The following OR1J2 variants were observed in gnomAD, a reference collection of about 807,000 sequenced individuals.
OR1J2 encodes olfactory receptor family 1 subfamily J member 2.
For missense variants in OR1J2, 304 were observed against 246.1 expected (o/e 1.24, Z -1.57); for synonymous variants, 142 against 99.7 (o/e 1.42, Z -2.52).
the OR1J2 span, chr9:122,477,399 G>T: frequency 6.2e-7 from 1 of 1,613,988 alleles, no homozygotes; most frequent in Non-Finnish European, 8.5e-7. Context: ...CACAGAAGTA[G>T]TGAGGGATGA....
upstream of OR1J2, among the ~76,000 whole-genome samples, chr9:122,507,074 C>T (rs926542963): frequency 6.6e-6 from 1 of 152,156 alleles, no homozygotes; most frequent in Non-Finnish European, 1.5e-5. Flanking sequence ...TCTGTTTACT[C>T]AGGACAACAC....
At chr9:122,483,578 A>C in the OR1J2 span, among the ~76,000 whole-genome samples, 1 of 152,354 alleles carries the variant, frequency 6.6e-6, no homozygotes, top group East Asian at 1.9e-4. Context: ...CACAAAAACA[A>C]GTATAAAAAG....
the OR1J2 span, among the ~76,000 whole-genome samples, chr9:122,470,411 C>G: frequency 6.6e-6 from 1 of 152,234 alleles, no homozygotes; most frequent in Admixed American, 6.5e-5. Flanking sequence ...TTGGGAACCT[C>G]TGCCTAGATT....
the OR1J2 span, among the ~76,000 whole-genome samples, chr9:122,468,511 A>G: frequency 3.3e-5 from 5 of 152,200 alleles, no homozygotes; most frequent in Non-Finnish European, 5.9e-5. Context: ...CTCCAGTTCT[A>G]GGTAATTCTA....
the OR1J2 span, among the ~76,000 whole-genome samples, chr9:122,564,392 G>A: frequency 1.3e-5 from 2 of 152,180 alleles, no homozygotes; most frequent in African/African-American, 4.8e-5. Context: ...TTTGTTTCCT[G>A]ACTTGTGGAG....
chr9:122,532,362 G>A, the OR1J2 span, among the ~76,000 whole-genome samples: 1 of 152,128 alleles, frequency 6.6e-6, no homozygotes. Flanking sequence ...CTGGTGTGTG[G>A]CGATTAGGCC....
the OR1J2 span, chr9:122,519,115 T>A: frequency 6.6e-7 from 1 of 1,505,192 alleles, no homozygotes; most frequent in Non-Finnish European, 9.1e-7. Context: ...TGTCCCTCTA[T>A]TTCCAGCAGA....
At chr9:122,556,244 C>A in the OR1J2 span, among the ~76,000 whole-genome samples, 1 of 149,694 alleles carries the variant, frequency 6.7e-6, no homozygotes, top group East Asian at 1.9e-4. Flanking sequence ...TCATTGTATG[C>A]AATATTCAGG....
chr9:122,475,238 G>C, the OR1J2 span: 27,284 of 152,062 alleles, frequency 0.18, 2,872 homozygotes, highest in African/African-American at 0.28. Context: ...ACCACGGTGG[G>C]GTCTTCCTGG....
At chr9:122,530,362 AGCT>A in the OR1J2 span, among the ~76,000 whole-genome samples, 1 of 152,208 alleles carries the variant, frequency 6.6e-6, no homozygotes, top group South Asian at 2.1e-4. Flanking sequence ...AGAAACAGAG[AGCT>A]GCTGGCTCAT....
chr9:122,539,821 A>G, the OR1J2 span, among the ~76,000 whole-genome samples: 1 of 152,158 alleles, frequency 6.6e-6, no homozygotes, highest in South Asian at 2.1e-4. Context: ...TTGGTATGAG[A>G]TGGTATCTCA....
the OR1J2 span, among the ~76,000 whole-genome samples, chr9:122,540,070 G>A: frequency 2.0e-5 from 3 of 152,076 alleles, no homozygotes; most frequent in East Asian, 1.9e-4. Flanking sequence ...TAGGTTGCCT[G>A]TTCACTCTGA....
At chr9:122,526,487 G>A in the OR1J2 span, 11 of 1,576,806 alleles carry the variant, frequency 7.0e-6, no homozygotes, top group African/African-American at 6.8e-5. Flanking sequence ...CTGCTGCAAT[G>A]TCCTTCTCTT....
At chr9:122,491,520 A>G in the OR1J2 span, among the ~76,000 whole-genome samples, 22 of 152,146 alleles carry the variant, frequency 1.4e-4, no homozygotes, top group Admixed American at 3.3e-4. Context: ...ATTGACAATT[A>G]AGATAGTAGC....
At chr9:122,449,203 C>T in the OR1J2 span, among the ~76,000 whole-genome samples, 11 of 152,076 alleles carry the variant, frequency 7.2e-5, no homozygotes, top group Non-Finnish European at 2.9e-5. Flanking sequence ...GGAGGCCTTG[C>T]TTATCCTCTG....
At chr9:122,497,975 A>G in the OR1J2 span, among the ~76,000 whole-genome samples, 1 of 152,022 alleles carries the variant, frequency 6.6e-6, no homozygotes, top group Admixed American at 6.5e-5. Context: ...ACTCTCATGT[A>G]ATTGTGTGGC....
the OR1J2 span, among the ~76,000 whole-genome samples, chr9:122,532,782 G>A: frequency 6.6e-6 from 1 of 152,170 alleles, no homozygotes; most frequent in Non-Finnish European, 1.5e-5. Context: ...TGGACAGAAA[G>A]GCTACAGGGT....
the OR1J2 span, among the ~76,000 whole-genome samples, chr9:122,505,589 A>G: frequency 6.6e-6 from 1 of 152,210 alleles, no homozygotes; most frequent in Non-Finnish European, 1.5e-5. Context: ...TTTATCTATG[A>G]TGTCTTAGAC....
chr9:122,508,322 A>C (rs73663922), upstream of OR1J2, among the ~76,000 whole-genome samples: 3,184 of 152,186 alleles, frequency 0.021, 114 homozygotes, highest in African/African-American at 0.071. Flanking sequence ...GATGTCTTTA[A>C]GGAGTTAGGT....
Sources: allele counts gnomAD v4.1 joint callset (sites outside exome capture counted in the v4.1 genomes callset), GRCh38; gene constraint gnomAD v4.1.1; transcripts MANE v1.5; gene names NCBI Gene and HGNC (gene_info 2026-07-23, HGNC 2026-07-21).